WBP4: variants seen among roughly 807,000 people sequenced by gnomAD.
WBP4 encodes the protein WW domain binding protein 4.
WBP4 carries 37 observed loss-of-function variants against 55.4 expected under a neutral mutation model. That is an observed-to-expected ratio of 0.67 (90% CI 0.51 to 0.88). The LOEUF (loss-of-function observed/expected upper bound fraction) is 0.88. Ranked by LOEUF, WBP4 falls within the 40% of genes least tolerant of loss-of-function variation. The probability of loss-of-function intolerance (pLI) is 0.00; values close to 1 mark genes in which losing one functional copy is unlikely to be tolerated. For synonymous variants in WBP4, 142 were observed against 140.2 expected (o/e 1.01, Z -0.09); for missense variants, 398 against 420.8 (o/e 0.95, Z 0.47).
chr13:41,078,941 AAAAT>A (rs1218022997), intron 8 of WBP4, among the ~76,000 whole-genome samples: 8 of 152,318 alleles, frequency 5.3e-5, no homozygotes, highest in African/African-American at 1.9e-4. Context: ...AGTAAACACA[AAAAT>A]AAAAATAGAC....
At chr13:41,070,986 A>G (rs1878217577) in intron 5 of WBP4, among the ~76,000 whole-genome samples, 1 of 152,230 alleles carries the variant, frequency 6.6e-6, no homozygotes, top group African/African-American at 2.4e-5. Flanking sequence ...AGCAATGAAG[A>G]TATCATAAAT....
chr13:41,063,160 C>T (rs1430744423), intron 2 of WBP4, among the ~76,000 whole-genome samples: 2 of 152,140 alleles, frequency 1.3e-5, no homozygotes, highest in East Asian at 3.8e-4. Flanking sequence ...TGAAAGAACA[C>T]CATTATTTCC....
chr13:41,062,293 T>C (rs756916419), intron 1 of WBP4: 182 of 984,656 alleles, frequency 1.8e-4, no homozygotes, highest in Non-Finnish European at 2.0e-4. Flanking sequence ...CTTTATGAGT[T>C]TCTTCAGGTT....
In WBP4 at chr13:41,068,571, G is replaced by T. The variant is rs1228447644; in HGVS notation, c.273G>T (p.Glu91Asp). The T allele has an allele frequency of 6.3e-7, 1 of 1,593,778 alleles. No homozygotes were observed. Among genetic ancestry groups the T allele is most frequent in the Admixed American group, 1.8e-5 (1 of 55,486 alleles). Residue 91 changes from glutamate to aspartate, a missense_variant, in exon 5 of 10, where the codon GAG (glutamate) becomes GAT (aspartate). Transcript: ENST00000379487. The stretch of plus-strand genomic sequence containing the variant: ...CTCTCATCTCTTTAGAAATTTTGGA[G>T]CCAAGCATAACACCAGTAACCAGCA... ...KRLGLESEIL[E>D]PSITPVTSTI...
Position 41,061,561 on chromosome 13 carries a change from T to G in WBP4, c.-113T>G. 6.5e-7 allele frequency: 1 copy of G among 1,536,242 alleles called. No individual in the cohort carries two copies. The highest frequency in any genetic ancestry group is 1.7e-5 in the Admixed American group (1 of 57,760). Reference sequence around the variant, plus strand: ...CCGGGGACTGAGTAAGGTGTCTGGATCGGAGGGAGGTTCGGGTGGGCATCG... The same window carrying G: ...CCGGGGACTGAGTAAGGTGTCTGGAGCGGAGGGAGGTTCGGGTGGGCATCG... On this transcript the variant is annotated 5_prime_UTR_variant, in exon 1 of 10. Coordinates refer to ENST00000379487, the MANE Select transcript of WBP4 (RefSeq NM_007187.5).
Position 41,061,543 on chromosome 13 carries a change from C to A in WBP4, c.-131C>A, listed in dbSNP as rs953377506. ...AACAGCGGAACGCTGGTCCCGGGGA[C>A]TGAGTAAGGTGTCTGGATCGGAGGG... On this transcript the variant is annotated 5_prime_UTR_variant, in exon 1 of 10. It adds an upstream start codon to the 5' untranslated region. Transcript: ENST00000379487. The A allele has an allele frequency of 2.1e-5, 30 of 1,427,110 alleles. No homozygotes were observed. The highest frequency in any genetic ancestry group is 2.0e-4 in the African/African-American group (14 of 71,590). 88.4% of individuals were successfully genotyped at this position (1,427,110 alleles called of 1,614,324 possible).
intron 5 of WBP4, among the ~76,000 whole-genome samples, chr13:41,070,228 A>G (rs904233881): frequency 2.6e-5 from 4 of 152,184 alleles, no homozygotes; most frequent in African/African-American, 9.6e-5. Flanking sequence ...CTAAATTAAG[A>G]TAGGGACATC....
intron 2 of WBP4, among the ~76,000 whole-genome samples, chr13:41,064,814 G>C (rs1378486967): frequency 2.0e-5 from 3 of 152,114 alleles, no homozygotes; most frequent in African/African-American, 7.2e-5. Context: ...AGGAAACCTA[G>C]TCAGAGGACA....
chr13:41,065,640 A>G (rs541984916), intron 4 of WBP4, among the ~76,000 whole-genome samples: 1 of 152,174 alleles, frequency 6.6e-6, no homozygotes, highest in Admixed American at 6.5e-5. Context: ...TAGGCCTTGC[A>G]TTATAATTGC....
chr13:41,061,920 G>A (rs1430260494), intron 1 of WBP4, among the ~76,000 whole-genome samples: 2 of 151,988 alleles, frequency 1.3e-5, no homozygotes, highest in African/African-American at 4.8e-5. Flanking sequence ...GCCGGTTCAG[G>A]GGGCTGGTTG....
chr13:41,063,667 A>C (rs1455655630), intron 2 of WBP4, among the ~76,000 whole-genome samples: 1 of 152,148 alleles, frequency 6.6e-6, no homozygotes, highest in Non-Finnish European at 1.5e-5. Flanking sequence ...CTTCCAGTGT[A>C]GTCTGTCTTT....
chr13:41,076,269 A>ATT lies in WBP4; in HGVS notation c.756+59_756+60dup, dbSNP rs35695477. The ATT allele has an allele frequency of 2.9e-3, 1,955 of 676,884 alleles. 22 individuals are homozygous for ATT. Among genetic ancestry groups the ATT allele is most frequent in the East Asian group, 0.019 (305 of 16,384 alleles). 41.9% of individuals were successfully genotyped at this position (676,884 alleles called of 1,614,324 possible). A position where few individuals can be genotyped will look rare whatever the true frequency, so the allele number is the denominator to read the frequency against. ...TTTTAAATTTTACTCTTCACATCAA[A>ATT]TTTTTTTTTTTTTTTTTTTTTTTTT... On this transcript the variant is annotated intron_variant, in intron 8 of 9. Coordinates refer to ENST00000379487, the MANE Select transcript of WBP4 (RefSeq NM_007187.5).
intron 5 of WBP4, among the ~76,000 whole-genome samples, chr13:41,069,106 A>G (rs973336674): frequency 1.4e-4 from 21 of 152,228 alleles, no homozygotes; most frequent in African/African-American, 4.6e-4. Context: ...AATATTCTAC[A>G]GTAGAGATTT....
chr13:41,074,504 A>G (rs1400619941), intron 7 of WBP4, among the ~76,000 whole-genome samples: 2 of 152,202 alleles, frequency 1.3e-5, no homozygotes, highest in Non-Finnish European at 2.9e-5. Flanking sequence ...GTATAGTGAT[A>G]TAATATAGCT....
At chr13:41,077,462 A>C (rs1474973108) in intron 8 of WBP4, among the ~76,000 whole-genome samples, 1 of 152,106 alleles carries the variant, frequency 6.6e-6, no homozygotes, top group Non-Finnish European at 1.5e-5. Context: ...ACTGCACTCC[A>C]TGCTGGATGA....
intron 8 of WBP4, among the ~76,000 whole-genome samples, chr13:41,076,529 C>A (rs1878502846): frequency 6.6e-6 from 1 of 152,054 alleles, no homozygotes; most frequent in Admixed American, 6.6e-5. Context: ...GATCTACTTG[C>A]CTCGGCGTCC....
rs914151646 is a variant in WBP4, at chr13:41,083,660, T to C, written c.*746T>C. ...TGCCTTTTTTCCCCCAGTCATGCAC[T>C]CTTTTTAGCAGTCTTATATGTACTA... On this transcript the variant is annotated 3_prime_UTR_variant, in exon 10 of 10. Coordinates refer to ENST00000379487, the MANE Select transcript of WBP4 (RefSeq NM_007187.5). 2 of 152,268 alleles carry C rather than the reference T, an allele frequency of 1.3e-5. No homozygotes were observed. The highest frequency in any genetic ancestry group is 4.8e-5 in the African/African-American group (2 of 41,466). The allele number at this position is 152,268 out of a possible 1,614,324, so 9.4% of individuals were successfully genotyped here.
At chr13:41,062,096 G>GTTTTTTTTTTTTTT in intron 1 of WBP4, 35 of 805,512 alleles carry the variant, frequency 4.3e-5, no homozygotes, top group Non-Finnish European at 4.8e-5. Flanking sequence ...TAGCGTAATG[G>GTTTTTTTTTTTTTT]TTTTTTTTTT....
chr13:41,065,175 A>G lies in WBP4; in HGVS notation c.150A>G (p.Lys50=). 6.2e-7 allele frequency: 1 copy of G among 1,612,454 alleles called. No homozygotes were observed. Among genetic ancestry groups the G allele is most frequent in the Middle Eastern group, 1.7e-4 (1 of 6,056 alleles). ...TATGTCTTACATAGATTAAACAGAA[A>G]AGCCTGGATAAGGCAAAGGAAGAAG... ...VAKRISEIKQ[K]SLDKAKEEEK... Residue 50 remains lysine (K), a synonymous_variant, in exon 4 of 10, where the codon AAA becomes AAG. Coordinates refer to ENST00000379487, the MANE Select transcript of WBP4 (RefSeq NM_007187.5).
Sources: gnomAD v4.1 joint callset for allele counts (sites outside exome capture counted in the v4.1 genomes callset) on GRCh38, gnomAD v4.1.1 for gene constraint, MANE v1.5 for transcripts, NCBI Gene and HGNC (gene_info 2026-07-23, HGNC 2026-07-21) for gene names.